Variants in CDK19 observed in about 807,000 individuals in gnomAD.
CDK19 encodes the protein cyclin dependent kinase 19.
Under a neutral mutation model 68.3 loss-of-function variants are expected in CDK19, and 20 were observed. The ratio of observed to expected loss-of-function variants is 0.29; its 90% CI spans 0.21 to 0.43. The LOEUF is 0.43. CDK19 is among the 20% of genes least tolerant of loss of function. CDK19 has a pLI of 1.00. For missense variants in CDK19, 339 were observed against 623.5 expected, an observed-to-expected ratio of 0.54 and a Z score of 4.86; for synonymous variants, 221 against 222.8, an observed-to-expected ratio of 0.99 and a Z score of 0.07.
chr6:110,799,771 T>C (rs1231107916), intron 1 of CDK19, among the ~76,000 whole-genome samples: 1 of 152,124 alleles, frequency 6.6e-6, no homozygotes, highest in East Asian at 1.9e-4. Flanking sequence ...CTAGTTTTTT[T>C]GTTTACTTTT....
chr6:110,671,931 C>T (rs1771044046), intron 2 of CDK19, among the ~76,000 whole-genome samples: 1 of 152,152 alleles, frequency 6.6e-6, no homozygotes, highest in Admixed American at 6.5e-5. Context: ...GTACGCACCA[C>T]CATGCCCGGC....
intron 2 of CDK19, among the ~76,000 whole-genome samples, chr6:110,691,414 C>A (rs1274535934): frequency 6.6e-6 from 1 of 151,256 alleles, no homozygotes; most frequent in Non-Finnish European, 1.5e-5. Context: ...GTGGAGGTTG[C>A]AGTGAGCTGA....
At chr6:110,788,538 C>T (rs1177218601) in intron 1 of CDK19, among the ~76,000 whole-genome samples, 1 of 152,124 alleles carries the variant, frequency 6.6e-6, no homozygotes, top group East Asian at 1.9e-4. Context: ...AGCTTTAGAT[C>T]CTTCACCTTT....
At chr6:110,722,524 T>A in intron 2 of CDK19, among the ~76,000 whole-genome samples, 1 of 148,936 alleles carries the variant, frequency 6.7e-6, no homozygotes. Flanking sequence ...TATAGTGAGA[T>A]CTCATCTTTG....
chr6:110,623,512 C>A, intron 8 of CDK19, 150 bp from the exon 9 acceptor site: 1 of 1,061,920 alleles, frequency 9.4e-7, no homozygotes, highest in Non-Finnish European at 1.3e-6. Flanking sequence ...CAAATATTAG[C>A]AAATGTGTGA....
chr6:110,627,006 A>G lies in CDK19; in HGVS notation c.786T>C (p.Pro262=). 6.2e-7 allele frequency: 1 copy of G among 1,601,560 alleles called. No homozygotes were observed. The highest frequency in any genetic ancestry group is 1.3e-5 in the African/African-American group (1 of 74,492). Residue 262 remains proline (P), a synonymous_variant, in exon 7 of 13, where the codon CCT becomes CCC. Transcript: ENST00000368911. ...LDRIFSVMGF[P]ADKDWEDIRK... is the part of the protein sequence containing the mutation. ...TTAAAAAGGAAAATAAATTACCTGC[A>G]GGAAACCCCATGACACTAAATATCC...
rs1390970710 is a variant in CDK19 at position 110,800,241 on chromosome 6, A to C, written c.128+14768T>G. Among the ~76,000 whole-genome samples the C allele has an allele frequency of 2.0e-5, 3 of 152,310 alleles. No individual in the cohort carries two copies. The South Asian group carries it at 6.2e-4, about 32-fold the overall frequency. On this transcript the variant is annotated intron_variant, in intron 1 of 12. Transcript: ENST00000368911. ...TCATGTTAGAAAGACACAATCTCTA[A>C]AGATTGAACCAGGAAGAAACTGAAA... is the stretch of plus-strand genomic sequence containing the variant.
chr6:110,679,496 TA>T (rs1179553740), intron 2 of CDK19, among the ~76,000 whole-genome samples: 1 of 151,916 alleles, frequency 6.6e-6, no homozygotes, highest in Non-Finnish European at 1.5e-5. Flanking sequence ...CCTATAATCC[TA>T]GCTACTCAGG....
At chr6:110,682,526 G>A (rs574273459) in intron 2 of CDK19, among the ~76,000 whole-genome samples, 30 of 152,236 alleles carry the variant, frequency 2.0e-4, no homozygotes, top group African/African-American at 6.5e-4. Context: ...CTTCCAGCAG[G>A]TGGCACTCAT....
At chr6:110,622,606 A>T (rs996171738) in intron 10 of CDK19, among the ~76,000 whole-genome samples, 1 of 152,190 alleles carries the variant, frequency 6.6e-6, no homozygotes, top group Non-Finnish European at 1.5e-5. Context: ...TGTAAAACTG[A>T]CAAATGGTCG....
At chr6:110,642,131 T>G (rs1329160792) in intron 4 of CDK19, among the ~76,000 whole-genome samples, 1 of 151,458 alleles carries the variant, frequency 6.6e-6, no homozygotes, top group Non-Finnish European at 1.5e-5. Context: ...TGAAACCCCG[T>G]CTCTACTAAA....
chr6:110,636,885 G>A (rs1235774232), intron 5 of CDK19, among the ~76,000 whole-genome samples: 1 of 152,242 alleles, frequency 6.6e-6, no homozygotes, highest in Non-Finnish European at 1.5e-5. Flanking sequence ...ACATTTAGAA[G>A]CTAGGAAGGG....
intron 1 of CDK19, among the ~76,000 whole-genome samples, chr6:110,784,923 G>A: frequency 6.6e-6 from 1 of 151,942 alleles, no homozygotes; most frequent in South Asian, 2.1e-4. Context: ...CAAATCCATA[G>A]ACAAGCCACA....
intron 1 of CDK19, among the ~76,000 whole-genome samples, chr6:110,766,298 G>A (rs1779579145): frequency 6.6e-6 from 1 of 151,992 alleles, no homozygotes. Context: ...TTGCAGGCCA[G>A]GCATGGTGGC....
intron 2 of CDK19, among the ~76,000 whole-genome samples, chr6:110,707,343 A>G (rs1476887189): frequency 3.3e-5 from 5 of 152,076 alleles, no homozygotes; most frequent in African/African-American, 1.2e-4. Context: ...CTCAAAAACA[A>G]ACAAAACAAA....
chr6:110,682,258 A>C (rs1772083029), intron 2 of CDK19, among the ~76,000 whole-genome samples: 1 of 152,206 alleles, frequency 6.6e-6, no homozygotes, highest in Admixed American at 6.5e-5. Context: ...CTCAGTGAGA[A>C]CAGTATCACC....
intron 1 of CDK19, among the ~76,000 whole-genome samples, chr6:110,778,667 C>T (rs1206599752): frequency 6.6e-6 from 1 of 152,208 alleles, no homozygotes; most frequent in Non-Finnish European, 1.5e-5. Flanking sequence ...GCCTAGCATA[C>T]ACCCATTCTC....
intron 2 of CDK19, among the ~76,000 whole-genome samples, chr6:110,728,365 A>G (rs1313989342): frequency 1.3e-5 from 2 of 152,004 alleles, no homozygotes; most frequent in Non-Finnish European, 2.9e-5. Context: ...AAAGCCAGAA[A>G]AAACGGAAAT....
intron 2 of CDK19, among the ~76,000 whole-genome samples, chr6:110,672,094 C>T (rs1771057265): frequency 6.6e-6 from 1 of 152,132 alleles, no homozygotes; most frequent in African/African-American, 2.4e-5. Flanking sequence ...CTGGCAAACC[C>T]TGTTTTTAAT....
Sources: gnomAD v4.1 joint callset for allele counts (sites outside exome capture counted in the v4.1 genomes callset) on GRCh38, gnomAD v4.1.1 for gene constraint, MANE v1.5 for transcripts, NCBI Gene and HGNC (gene_info 2026-07-23, HGNC 2026-07-21) for gene names.